Variants in DIAPH3 observed in about 807,000 individuals in gnomAD.
DIAPH3 encodes the protein diaphanous related formin 3.
Under a neutral mutation model 144.3 loss-of-function variants are expected in DIAPH3, and 117 were observed. The ratio of observed to expected loss-of-function variants is 0.81; its 90% CI spans 0.70 to 0.95. DIAPH3 has a LOEUF of 0.95. Among genes scored for constraint, DIAPH3 ranks in the 40% least tolerant of loss-of-function variants. DIAPH3 has a pLI of 0.00. For missense variants in DIAPH3, 1,421 were observed against 1,412.7 expected, an observed-to-expected ratio of 1.01 and a Z score of -0.09; for synonymous variants, 519 against 488.9, an observed-to-expected ratio of 1.06 and a Z score of -0.81.
chr13:60,160,842 A>G (rs1034647864), intron 1 of DIAPH3, among the ~76,000 whole-genome samples: 1 of 152,200 alleles, frequency 6.6e-6, no homozygotes, highest in Non-Finnish European at 1.5e-5. Flanking sequence ...AGTATCATAC[A>G]ATTACAATAG....
chr13:59,969,358 A>G (rs1002391416), intron 17 of DIAPH3, among the ~76,000 whole-genome samples: 4 of 152,196 alleles, frequency 2.6e-5, no homozygotes, highest in Non-Finnish European at 5.9e-5. Flanking sequence ...ACTCATAGCA[A>G]TTAATTAAAT....
At chr13:59,745,734 G>A (rs1466971383) in intron 27 of DIAPH3, among the ~76,000 whole-genome samples, 2 of 152,174 alleles carry the variant, frequency 1.3e-5, no homozygotes, top group African/African-American at 4.8e-5. Flanking sequence ...CTCAGCTCCA[G>A]TGAACTGTCA....
At chr13:59,967,065 TTGTTTTTTTG>T (rs1222934421) in intron 17 of DIAPH3, among the ~76,000 whole-genome samples, 4 of 152,104 alleles carry the variant, frequency 2.6e-5, no homozygotes, top group Middle Eastern at 3.4e-3. Flanking sequence ...TTTTGTTTTT[TTGTTTTTTTG>T]TGTTTTTTTG....
intron 25 of DIAPH3, among the ~76,000 whole-genome samples, chr13:59,799,465 A>G (rs114852483): frequency 1.1e-3 from 173 of 152,028 alleles, no homozygotes; most frequent in African/African-American, 4.1e-3. Flanking sequence ...TAGGCTGATG[A>G]CTCAGTCATA....
At chr13:60,115,268 A>G (rs1415389914) in intron 2 of DIAPH3, among the ~76,000 whole-genome samples, 1 of 152,156 alleles carries the variant, frequency 6.6e-6, no homozygotes, top group East Asian at 1.9e-4. Flanking sequence ...GTTTTCTCTG[A>G]TTCTTGGGAT....
intron 5 of DIAPH3, among the ~76,000 whole-genome samples, chr13:60,026,408 A>G (rs887365023): frequency 6.6e-6 from 1 of 152,128 alleles, no homozygotes; most frequent in Admixed American, 6.6e-5. Flanking sequence ...ACCAAAAAAA[A>G]TTTTTTTAGC....
intron 24 of DIAPH3, among the ~76,000 whole-genome samples, chr13:59,832,039 T>C (rs114735186): frequency 6.6e-6 from 1 of 151,824 alleles, no homozygotes; most frequent in African/African-American, 2.4e-5. Context: ...GACTGCAAAG[T>C]CTTTACTATT....
At position 59,911,427 on chromosome 13, in the gene DIAPH3, T is replaced by C. The variant is rs183317300; in HGVS notation, c.2367+308A>G. ...TTGGAATACACAGCTCTAGAATAAA[T>C]CACAAATATACCTCTCTATTCTTAA... On this transcript the variant is annotated intron_variant, in intron 20 of 27. Coordinates refer to ENST00000400324, the MANE Select transcript of DIAPH3 (RefSeq NM_001042517.2). 4.6e-5 allele frequency among the ~76,000 whole-genome samples: 7 copies of C among 152,288 alleles called. No individual in the cohort carries two copies. The East Asian group carries it at 1.2e-3, about 25-fold the overall frequency.
chr13:59,900,645 C>T (rs1213489084), intron 20 of DIAPH3, among the ~76,000 whole-genome samples: 1 of 152,136 alleles, frequency 6.6e-6, no homozygotes, highest in East Asian at 1.9e-4. Context: ...TTTCACCTTG[C>T]CCTTCACTGC....
chr13:60,005,994 T>C (rs1022577169), intron 9 of DIAPH3, among the ~76,000 whole-genome samples: 3 of 152,176 alleles, frequency 2.0e-5, no homozygotes, highest in Non-Finnish European at 4.4e-5. Context: ...TGACTAAATA[T>C]AAGTTTATCA....
intron 27 of DIAPH3, among the ~76,000 whole-genome samples, chr13:59,700,325 T>G (rs1008370350): frequency 1.3e-5 from 2 of 152,150 alleles, no homozygotes; most frequent in African/African-American, 4.8e-5. Flanking sequence ...ACTTCCTGTT[T>G]GGAGGACTCT....
chr13:60,129,378 T>A (rs370683448), intron 2 of DIAPH3, among the ~76,000 whole-genome samples: 6 of 152,220 alleles, frequency 3.9e-5, no homozygotes, highest in African/African-American at 1.4e-4. Context: ...TGCTCATATT[T>A]ATAGAACAAA....
At chr13:59,971,720 C>T (rs999227632) in intron 15 of DIAPH3, among the ~76,000 whole-genome samples, 6 of 152,316 alleles carry the variant, frequency 3.9e-5, no homozygotes, top group African/African-American at 1.4e-4. Context: ...TAAAATTCTT[C>T]GTAGGACCTA....
At chr13:59,756,444 A>AAGGAAGGAAGGAAGGAAGGAAG (rs1566265975) in intron 27 of DIAPH3, among the ~76,000 whole-genome samples, 4 of 122,828 alleles carry the variant, frequency 3.3e-5, no homozygotes, top group African/African-American at 1.3e-4. Flanking sequence ...AAGGAAGGAA[A>AAGGAAGGAAGGAAGGAAGGAAG]GAAGGAAGGA....
intron 4 of DIAPH3, among the ~76,000 whole-genome samples, chr13:60,049,398 T>C (rs751238021): frequency 2.6e-5 from 4 of 152,216 alleles, no homozygotes; most frequent in Non-Finnish European, 5.9e-5. Context: ...TTCAGCCATA[T>C]TGAACTGTCC....
chr13:60,118,118 C>T (rs1471667523), intron 2 of DIAPH3, among the ~76,000 whole-genome samples: 3 of 151,984 alleles, frequency 2.0e-5, no homozygotes, highest in Non-Finnish European at 4.4e-5. Flanking sequence ...ATTAATATCA[C>T]GTATCTTCAG....
chr13:60,145,111 G>C (rs1455938520), intron 1 of DIAPH3, among the ~76,000 whole-genome samples: 1 of 152,148 alleles, frequency 6.6e-6, no homozygotes, highest in African/African-American at 2.4e-5. Context: ...TAGAGAACAG[G>C]AAATTGAACA....
intron 27 of DIAPH3, chr13:59,695,486 A>G (rs1005975251): frequency 6.6e-6 from 1 of 152,230 alleles, no homozygotes; most frequent in African/African-American, 2.4e-5. Flanking sequence ...TAAATGAGAT[A>G]ATACAATGCA....
intron 5 of DIAPH3, among the ~76,000 whole-genome samples, chr13:60,032,923 T>C (rs1276711196): frequency 6.6e-6 from 1 of 152,224 alleles, no homozygotes; most frequent in Non-Finnish European, 1.5e-5. Context: ...TGCTCCAACA[T>C]TGGAACATAG....
Sources: gnomAD v4.1 joint callset for allele counts (sites outside exome capture counted in the v4.1 genomes callset) on GRCh38, gnomAD v4.1.1 for gene constraint, MANE v1.5 for transcripts, NCBI Gene and HGNC (gene_info 2026-07-23, HGNC 2026-07-21) for gene names.